The following OPCML variants were observed in gnomAD, a reference collection of about 807,000 sequenced individuals.
OPCML encodes the protein opioid binding protein/cell adhesion molecule like.
In OPCML, 13 loss-of-function variants were observed where a neutral mutation model predicts 37.8. The ratio of observed to expected loss-of-function variants is 0.34; its 90% CI spans 0.22 to 0.55. The LOEUF (loss-of-function observed/expected upper bound fraction) is 0.55, where lower values mean the gene tolerates loss of function less well. Ranked by LOEUF, OPCML falls within the 20% of genes least tolerant of loss-of-function variation. OPCML has a pLI of 0.91. For synonymous variants in OPCML, 176 were observed against 168.8 expected (o/e 1.04, Z -0.33); for missense variants, 341 against 435.6 (o/e 0.78, Z 1.93).
At chr11:133,252,546 T>C (rs2136436702) in intron 1 of OPCML, among the ~76,000 whole-genome samples, 1 of 152,300 alleles carries the variant, frequency 6.6e-6, no homozygotes, top group Non-Finnish European at 1.5e-5. Flanking sequence ...CATTTCTGAT[T>C]AACTCTCTTA....
chr11:133,336,182 C>T (rs746569219), intron 1 of OPCML, among the ~76,000 whole-genome samples: 8 of 152,110 alleles, frequency 5.3e-5, no homozygotes, highest in Non-Finnish European at 7.4e-5. Context: ...GAGCTCACAG[C>T]GTGCAGGACA....
At chr11:132,420,405 C>T (rs574152200) in intron 7 of OPCML, 112 bp from the exon 8 acceptor site, 452 of 1,466,632 alleles carry the variant, frequency 3.1e-4, no homozygotes, top group South Asian at 7.7e-4. Context: ...CTTCCGCTGA[C>T]CATTCCAAGT....
rs564699044 is a variant in OPCML, at chr11:132,533,122, C to T, written c.380-3936G>A. ...ATTACTCAAAGAAAATGATAAGACCCACAGAGTTTAACTAAAGGATAATAA... is the reference window on the plus strand; with the variant it reads ...ATTACTCAAAGAAAATGATAAGACCTACAGAGTTTAACTAAAGGATAATAA... On this transcript the variant is annotated intron_variant, in intron 3 of 7. Coordinates refer to ENST00000524381, the MANE Select transcript of OPCML (RefSeq NM_001012393.5). 2.6e-5 allele frequency among the ~76,000 whole-genome samples: 4 copies of T among 152,178 alleles called. No homozygotes were observed. The East Asian group carries it at 7.7e-4, about 29-fold the overall frequency.
chr11:132,709,673 G>A (rs143402524), intron 2 of OPCML, among the ~76,000 whole-genome samples: 1 of 152,188 alleles, frequency 6.6e-6, no homozygotes, highest in African/African-American at 2.4e-5. Context: ...TAAAGTTACA[G>A]TTTTGCCCTT....
intron 1 of OPCML, among the ~76,000 whole-genome samples, chr11:133,369,948 A>T (rs1442840925): frequency 6.6e-6 from 1 of 152,204 alleles, no homozygotes; most frequent in Admixed American, 6.5e-5. Flanking sequence ...GGGGGATGGA[A>T]TTGAAGTCTG....
intron 2 of OPCML, among the ~76,000 whole-genome samples, chr11:132,891,606 A>T (rs1009081187): frequency 1.3e-5 from 2 of 152,222 alleles, no homozygotes; most frequent in East Asian, 3.8e-4. Flanking sequence ...CAACGCCATG[A>T]GAGCAAGGCT....
intron 1 of OPCML, among the ~76,000 whole-genome samples, chr11:133,140,525 T>TAAGAAGAAGAAGAAGAAG (rs1306668854): frequency 3.2e-3 from 180 of 57,012 alleles, no homozygotes; most frequent in East Asian, 0.012. Flanking sequence ...ATAATAATAA[T>TAAGAAGAAGAAGAAGAAG]AATAATAAGA....
At chr11:133,339,393 T>C (rs1268919826) in intron 1 of OPCML, among the ~76,000 whole-genome samples, 1 of 151,406 alleles carries the variant, frequency 6.6e-6, no homozygotes, top group African/African-American at 2.4e-5. Flanking sequence ...GAAACCGGGG[T>C]TTGTTCCCAT....
intron 2 of OPCML, among the ~76,000 whole-genome samples, chr11:132,913,033 C>T (rs959957728): frequency 6.6e-6 from 1 of 152,196 alleles, no homozygotes; most frequent in Non-Finnish European, 1.5e-5. Flanking sequence ...GGAGAGACAA[C>T]CTGGAGAATG....
intron 3 of OPCML, among the ~76,000 whole-genome samples, chr11:132,602,991 T>A (rs1021750471): frequency 6.6e-6 from 1 of 152,202 alleles, no homozygotes; most frequent in Admixed American, 6.5e-5. Flanking sequence ...CTGCTCTGCT[T>A]GAGATCAGTG....
intron 1 of OPCML, chr11:133,004,505 G>C: frequency 1.0e-6 from 1 of 985,454 alleles, no homozygotes; most frequent in Non-Finnish European, 1.2e-6. Context: ...GATGCCCTCT[G>C]CAGACGACCG....
At chr11:132,865,633 A>T (rs7950294) in intron 2 of OPCML, among the ~76,000 whole-genome samples, 14,449 of 152,176 alleles carry the variant, frequency 0.095, 758 homozygotes, top group Middle Eastern at 0.17. Context: ...CGCTATTATC[A>T]GTCCTCTGTA....
chr11:132,842,756 A>C, intron 2 of OPCML, among the ~76,000 whole-genome samples: 1 of 152,086 alleles, frequency 6.6e-6, no homozygotes, highest in Middle Eastern at 3.4e-3. Context: ...TGCCAAAGCC[A>C]CCTGTACAAG....
chr11:133,385,165 C>T (rs145527470), intron 1 of OPCML, among the ~76,000 whole-genome samples: 53 of 152,228 alleles, frequency 3.5e-4, no homozygotes, highest in African/African-American at 8.4e-4. Context: ...GAAGCTGCTG[C>T]GCTGTGGAGG....
rs574530400 is a variant in OPCML at position 132,572,817 on chromosome 11, T to C, written c.380-43631A>G. ...CTCTGATATTTTGATAGGAATTGCA[T>C]TAAAACTGTAGATTATTTTGGGTAG... On this transcript the variant is annotated intron_variant, in intron 3 of 7. Transcript: ENST00000524381. Among the ~76,000 whole-genome samples the C allele has an allele frequency of 3.3e-3, 502 of 152,190 alleles. 4 individuals are homozygous for C. The highest frequency in any genetic ancestry group is 0.012 in the African/African-American group (479 of 41,580).
intron 7 of OPCML, among the ~76,000 whole-genome samples, chr11:132,434,772 A>G (rs1164223210): frequency 6.6e-6 from 1 of 152,160 alleles, no homozygotes; most frequent in African/African-American, 2.4e-5. Flanking sequence ...AAAAGAATAA[A>G]ACATTCATAG....
intron 4 of OPCML, among the ~76,000 whole-genome samples, chr11:132,457,268 G>C (rs1430562964): frequency 6.6e-6 from 1 of 152,206 alleles, no homozygotes; most frequent in East Asian, 1.9e-4. Flanking sequence ...GAGTGGCCTT[G>C]AACACAGTCG....
chr11:132,561,417 C>T lies in OPCML; in HGVS notation c.380-32231G>A, dbSNP rs988495204. Among the ~76,000 whole-genome samples the T allele has an allele frequency of 5.9e-5, 9 of 152,222 alleles. No homozygotes were observed. The East Asian group carries it at 1.7e-3, about 29-fold the overall frequency. ...CCCTTTCCAGTTGGCCCCTGCCTGT[C>T]TCCACTGACTCATCAGCTGCTCTGC... On this transcript the variant is annotated intron_variant, in intron 3 of 7. Transcript: ENST00000524381.
chr11:132,462,316 A>G (rs2096105147), intron 4 of OPCML, among the ~76,000 whole-genome samples: 1 of 152,122 alleles, frequency 6.6e-6, no homozygotes, highest in South Asian at 2.1e-4. Flanking sequence ...TTTCTTTCCT[A>G]CCATATCTCT....
Sources: gnomAD v4.1 joint callset for allele counts (sites outside exome capture counted in the v4.1 genomes callset) on GRCh38, gnomAD v4.1.1 for gene constraint, MANE v1.5 for transcripts, NCBI Gene and HGNC (gene_info 2026-07-23, HGNC 2026-07-21) for gene names.